The following SPIRE2 variants were observed in gnomAD, a reference collection of about 807,000 sequenced individuals.
SPIRE2 encodes protein spire homolog 2.
A neutral mutation model predicts 80.7 loss-of-function variants in SPIRE2; 76 were observed. The ratio of observed to expected loss-of-function variants is 0.94; its 90% CI spans 0.78 to 1.14. The LOEUF (loss-of-function observed/expected upper bound fraction) is 1.14. SPIRE2 is among the 50% of genes most tolerant of loss of function. The probability of loss-of-function intolerance (pLI) is 0.00; values close to 1 mark genes in which losing one functional copy is unlikely to be tolerated. For missense variants in SPIRE2, 1,196 were observed against 1,015.3 expected, an observed-to-expected ratio of 1.18 and a Z score of -2.42; for synonymous variants, 535 against 432.6, an observed-to-expected ratio of 1.24 and a Z score of -2.94.
At chr16:89,833,958 G>T (rs752071043) in intron 1 of SPIRE2, among the ~76,000 whole-genome samples, 1 of 152,186 alleles carries the variant, frequency 6.6e-6, no homozygotes, top group Non-Finnish European at 1.5e-5. Context: ...GTGTGTCTCT[G>T]TGTGAGCTGG....
chr16:89,839,306 A>G (rs929797933), intron 1 of SPIRE2, among the ~76,000 whole-genome samples: 1 of 151,390 alleles, frequency 6.6e-6, no homozygotes, highest in Non-Finnish European at 1.5e-5. Context: ...CCCAGGAGGC[A>G]GAGATTGCAG....
At chr16:89,843,711 T>G (rs1598221472) in intron 1 of SPIRE2, among the ~76,000 whole-genome samples, 1 of 65,894 alleles carries the variant, frequency 1.5e-5, no homozygotes, top group East Asian at 7.6e-4. Flanking sequence ...TTTTTTTTTT[T>G]TTTTTTGAGA....
At position 89,859,345 on chromosome 16, in the gene SPIRE2, C is replaced by G; in HGVS notation, c.1453C>G (p.Arg485Gly). 6.4e-7 allele frequency: 1 copy of G among 1,565,110 alleles called. No homozygotes were observed. The highest frequency in any genetic ancestry group is 8.6e-7 in the Non-Finnish European group (1 of 1,160,218). Residue 485 changes from arginine (R) to glycine (G), a missense_variant, in exon 9 of 15, where the codon CGA becomes GGA. Arg to Gly is a moderately radical substitution (Grantham distance 125). Coordinates refer to ENST00000378247, the MANE Select transcript of SPIRE2 (RefSeq NM_032451.2). ...GSAHVWRPGSRDQGTCPASVS... is the reference protein window; with the variant it reads ...GSAHVWRPGSGDQGTCPASVS... ...TGCGCATGTGTGGAGGCCCGGCTCC[C>G]GAGACCAGGGCAAGTGCTGCTTCTC...
intron 13 of SPIRE2, among the ~76,000 whole-genome samples, 191 bp downstream of exon 13, chr16:89,868,407 A>C (rs1490547713): frequency 2.0e-5 from 3 of 152,214 alleles, no homozygotes; most frequent in African/African-American, 7.2e-5. Context: ...GTTTTTAAAC[A>C]TTGCACGTTA....
intron 1 of SPIRE2, among the ~76,000 whole-genome samples, chr16:89,833,135 G>A (rs2041403746): frequency 3.3e-5 from 5 of 152,096 alleles, no homozygotes; most frequent in Admixed American, 3.3e-4. Context: ...GGGATTACAG[G>A]CATGTGCCAC....
rs1346510947 is a variant in SPIRE2 at position 89,830,968 on chromosome 16, G to A, written c.244+2174G>A. Among the ~76,000 whole-genome samples, 5 of 146,518 alleles carry A rather than the reference G, an allele frequency of 3.4e-5. 1 individual carries two copies. Among genetic ancestry groups the A allele is most frequent in the Non-Finnish European group, 7.6e-5 (5 of 66,090 alleles). On this transcript the variant is annotated intron_variant, in intron 1 of 14. Transcript: ENST00000378247. ...TCTGTTGCCCAGGCTGGAGTGCAGC[G>A]GCACAATCTCTGCTCACTGCAAGCT...
At chr16:89,834,043 CAGCAAGA>C (rs1240320355) in intron 1 of SPIRE2, among the ~76,000 whole-genome samples, 3 of 152,202 alleles carry the variant, frequency 2.0e-5, no homozygotes, top group Non-Finnish European at 4.4e-5. Flanking sequence ...GGCAGTCCTG[CAGCAAGA>C]CTCTTCTCTT....
At chr16:89,843,667 G>GTTTTTTTTTTTTTTT (rs746543138) in intron 1 of SPIRE2, among the ~76,000 whole-genome samples, 1 of 60,392 alleles carries the variant, frequency 1.7e-5, no homozygotes, top group Non-Finnish European at 2.8e-5. Flanking sequence ...TTGCTGCCAC[G>GTTTTTTTTTTTTTTT]TTTTTTTTTT....
rs2041764474 is a variant in SPIRE2 at position 89,863,715 on chromosome 16, C to G, written c.1711-79C>G. 6 of 1,608,478 alleles carry G rather than the reference C, an allele frequency of 3.7e-6. No individual in the cohort carries two copies. The highest frequency in any genetic ancestry group is 5.1e-6 in the Non-Finnish European group (6 of 1,175,206). ...GTTTGCTCATGATCTGGTTGGGAGC[C>G]CTGAGGGGGTAGCAGGGACAGGGCG... On this transcript the variant is annotated intron_variant, in intron 11 of 14. Coordinates refer to ENST00000378247, the MANE Select transcript of SPIRE2 (RefSeq NM_032451.2). The surrounding 1 kb of genome is among the most constrained non-coding windows in gnomAD (Gnocchi z 4.3).
intron 1 of SPIRE2, chr16:89,836,317 G>A (rs1476815026): frequency 4.4e-6 from 2 of 452,274 alleles, no homozygotes; most frequent in African/African-American, 4.0e-5. Flanking sequence ...ACAGGTTCTG[G>A]GGTTAGAACA....
intron 12 of SPIRE2, among the ~76,000 whole-genome samples, chr16:89,867,775 AG>A (rs765102745): frequency 4.0e-5 from 6 of 151,628 alleles, no homozygotes; most frequent in African/African-American, 7.3e-5. Flanking sequence ...AGTAGAAACG[AG>A]GTTTCACCTT....
chr16:89,862,595 T>C (rs991653348), intron 10 of SPIRE2: 1 of 152,226 alleles, frequency 6.6e-6, no homozygotes, highest in Non-Finnish European at 1.5e-5. Flanking sequence ...CTGAGGTGAA[T>C]TGTTCAGATG....
chr16:89,831,815 A>T (rs2041386535), intron 1 of SPIRE2, among the ~76,000 whole-genome samples: 1 of 150,768 alleles, frequency 6.6e-6, no homozygotes, highest in African/African-American at 2.4e-5. Flanking sequence ...CCCGGCTCTC[A>T]GGCCATCTGC....
intron 14 of SPIRE2, 114 bp from the exon 15 acceptor site, chr16:89,869,936 G>A: frequency 1.1e-6 from 1 of 906,130 alleles, no homozygotes; most frequent in South Asian, 1.6e-5. Flanking sequence ...TGAGGGCCAA[G>A]GGGAGGCCTA....
chr16:89,847,502 C>T (rs1038505704), intron 2 of SPIRE2, among the ~76,000 whole-genome samples: 5 of 152,200 alleles, frequency 3.3e-5, no homozygotes, highest in African/African-American at 1.2e-4. Flanking sequence ...ACATCTTAAA[C>T]GTTTTACAGA....
chr16:89,834,281 C>A (rs2045252172), intron 1 of SPIRE2, among the ~76,000 whole-genome samples: 1 of 141,232 alleles, frequency 7.1e-6, no homozygotes, highest in South Asian at 2.5e-4. Context: ...TGTGAACCTG[C>A]CCGCGCTCGC....
At chr16:89,839,943 G>A (rs1378414909) in intron 1 of SPIRE2, among the ~76,000 whole-genome samples, 2 of 152,240 alleles carry the variant, frequency 1.3e-5, no homozygotes, top group Non-Finnish European at 2.9e-5. Flanking sequence ...CTTGTTATTC[G>A]AGGTAACGCC....
At chr16:89,867,649 A>T (rs1473484866) in intron 12 of SPIRE2, among the ~76,000 whole-genome samples, 1 of 148,950 alleles carries the variant, frequency 6.7e-6, no homozygotes, top group Non-Finnish European at 1.5e-5. Flanking sequence ...CAGTGGCGTG[A>T]TCTCAGCTCA....
chr16:89,828,601 G>C lies in SPIRE2; in HGVS notation c.51G>C (p.Pro17=), dbSNP rs192863726. Residue 17 remains proline, a synonymous_variant, in exon 1 of 15, where the codon CCG becomes CCC. Coordinates refer to ENST00000378247, the MANE Select transcript of SPIRE2 (RefSeq NM_032451.2). This position sits in a 1 kb window ranked among gnomAD's most constrained non-coding sequence, Gnocchi z 5.9. ...GCGCCGCGGCGGGCGCAGGGCGGCC[G>C]GAGCCCTGGGAGCTGTCCCTGGAGG... ...CGGAAAGAGR[P]EPWELSLEEV... 9.0e-4 allele frequency: 1,107 copies of C among 1,234,240 alleles called. 7 individuals are homozygous for C. The African/African-American group carries it at 0.014, about 16-fold the overall frequency. The allele number at this position is 1,234,240 out of a possible 1,614,324, so 76.5% of individuals were successfully genotyped here. A position where few individuals can be genotyped will look rare whatever the true frequency, so the allele number is the denominator to read the frequency against.
Sources: allele counts gnomAD v4.1 joint callset (sites outside exome capture counted in the v4.1 genomes callset), GRCh38; gene constraint gnomAD v4.1.1; non-coding constraint Gnocchi (gnomAD v3.1); transcripts MANE v1.5; gene names NCBI Gene and HGNC (gene_info 2026-07-23, HGNC 2026-07-21).